Variants in HBEGF observed in about 807,000 individuals in gnomAD.
HBEGF encodes heparin binding EGF like growth factor, also known as proheparin-binding EGF-like growth factor.
HBEGF carries 8 observed loss-of-function variants against 19.5 expected under a neutral mutation model. The observed-to-expected ratio is 0.41, with a 90% confidence interval of 0.24 to 0.74. HBEGF has a LOEUF of 0.74. Among genes scored for constraint, HBEGF ranks in the 30% least tolerant of loss-of-function variants. The pLI is 0.32. For missense variants in HBEGF, 207 were observed against 256.9 expected, an observed-to-expected ratio of 0.81 and a Z score of 1.33; for synonymous variants, 97 against 108.9, an observed-to-expected ratio of 0.89 and a Z score of 0.68.
intron 3 of HBEGF, among the ~76,000 whole-genome samples, chr5:140,342,062 G>A (rs1766321123): frequency 6.6e-6 from 1 of 152,140 alleles, no homozygotes. Context: ...TACTCTCCAT[G>A]TCTCCCACCT....
chr5:140,339,858 C>A (rs1300568768), intron 3 of HBEGF, among the ~76,000 whole-genome samples: 1 of 152,178 alleles, frequency 6.6e-6, no homozygotes, highest in Non-Finnish European at 1.5e-5. Context: ...CAAACAAGAG[C>A]CACAAAGATC....
chr5:140,335,457 C>T (rs1384922210), intron 4 of HBEGF, among the ~76,000 whole-genome samples: 3 of 151,496 alleles, frequency 2.0e-5, no homozygotes, highest in South Asian at 2.1e-4. Context: ...CTAGAGCATA[C>T]CTGGATTAGA....
Position 140,346,332 on chromosome 5 carries a change from C to A in HBEGF, c.-4G>T, listed in dbSNP as rs1481642614. 2.5e-6 allele frequency: 4 copies of A among 1,608,080 alleles called. No individual in the cohort carries two copies. The highest frequency in any genetic ancestry group is 3.4e-6 in the Non-Finnish European group (4 of 1,177,658). ...CCACCGACGGCAGCAGCTTCATGGT[C>A]CCGCACCGAGAGGAGGCGGCGAGGC... On this transcript the variant is annotated 5_prime_UTR_variant, in exon 1 of 6. Coordinates refer to ENST00000230990, the MANE Select transcript of HBEGF (RefSeq NM_001945.3). The surrounding 1 kb of genome is among the most constrained non-coding windows in gnomAD (Gnocchi z 6.1).
In HBEGF at chr5:140,346,319, G is replaced by A. The variant is rs796065858; in HGVS notation, c.10C>T (p.Leu4=). 3.1e-6 allele frequency: 5 copies of A among 1,608,914 alleles called. No homozygotes were observed. Among genetic ancestry groups the A allele is most frequent in the South Asian group, 2.2e-5 (2 of 90,252 alleles). Residue 4 remains leucine (L), a synonymous_variant, in exon 1 of 6, where the codon CTG becomes TTG. Coordinates refer to ENST00000230990, the MANE Select transcript of HBEGF (RefSeq NM_001945.3). The surrounding 1 kb of genome is among the most constrained non-coding windows in gnomAD (Gnocchi z 6.1). MKL[L]PSVVLKLFLA... is the part of the protein sequence containing the mutation. Reference sequence around the variant, plus strand: ...AAGAGCTTCAGCACCACCGACGGCAGCAGCTTCATGGTCCCGCACCGAGAG... The same window carrying A: ...AAGAGCTTCAGCACCACCGACGGCAACAGCTTCATGGTCCCGCACCGAGAG...
rs1176043250 is a variant in HBEGF at position 140,342,620 on chromosome 5, G to T, written c.398+15C>A. 6.2e-7 allele frequency: 1 copy of T among 1,613,006 alleles called. No homozygotes were observed. The highest frequency in any genetic ancestry group is 1.3e-5 in the African/African-American group (1 of 74,860). The stretch of plus-strand genomic sequence containing the variant: ...GTGTGCTGATGAGATTCAGCCCTGG[G>T]GAAGGGGCACTTACATGCAGGAGGG... On this transcript the variant is annotated intron_variant, in intron 3 of 5. Transcript: ENST00000230990.
chr5:140,335,897 C>CCAGCAGACA lies in HBEGF; in HGVS notation c.520_528dup (p.Cys174_Leu176dup). ...CTAAACATGAGAAGCCCCACGATGACCAGCAGACAGACAGATGACAGCACC... is the reference window on the plus strand; with the variant it reads ...CTAAACATGAGAAGCCCCACGATGACCAGCAGACACAGCAGACAGACAGATGACAGCACC... On this transcript the variant is annotated inframe_insertion, in exon 4 of 6. Coordinates refer to ENST00000230990, the MANE Select transcript of HBEGF (RefSeq NM_001945.3). 1 of 1,614,098 alleles carries CCAGCAGACA rather than the reference C, an allele frequency of 6.2e-7. No individual in the cohort carries two copies. Among genetic ancestry groups the CCAGCAGACA allele is most frequent in the South Asian group, 1.1e-5 (1 of 91,074 alleles).
At chr5:140,338,332 C>T (rs1766258204) in intron 3 of HBEGF, among the ~76,000 whole-genome samples, 1 of 152,180 alleles carries the variant, frequency 6.6e-6, no homozygotes, top group Non-Finnish European at 1.5e-5. Flanking sequence ...AAGTTACTAG[C>T]CCCATTTTAA....
chr5:140,342,708 G>A lies in HBEGF; in HGVS notation c.325C>T (p.Leu109Phe), dbSNP rs988422901. 17 of 1,614,076 alleles carry A rather than the reference G, an allele frequency of 1.1e-5. No individual in the cohort carries two copies. The Admixed American group carries it at 1.3e-4, about 13-fold the overall frequency. Residue 109 changes from leucine (L) to phenylalanine (F), a missense_variant, in exon 3 of 6, where the codon CTT (leucine) becomes TTT (phenylalanine). This residue lies in a region of HBEGF where 127 missense variants were observed against 132.7 expected (regional missense o/e 0.96). Coordinates refer to ENST00000230990, the MANE Select transcript of HBEGF (RefSeq NM_001945.3). The part of the protein sequence containing the change: ...KGLGKKRDPC[L>F]RKYKDFCIHG... ...ATGCAGAAGTCCTTGTATTTCCGAA[G>A]ACATGGGTCCCTCTTCTTCCCTAGC... is the stretch of plus-strand genomic sequence containing the variant.
In HBEGF at chr5:140,346,176, G is replaced by A; in HGVS notation, c.47-92C>T. On this transcript the variant is annotated intron_variant, in intron 1 of 5. Transcript: ENST00000230990. This position sits in a 1 kb window ranked among gnomAD's most constrained non-coding sequence, Gnocchi z 6.1. ...GACGCCCGTCCGCCAGAGCGCAAGG[G>A]CCCCACCAAGTGGCCCGTGCCGGGT... The A allele has an allele frequency of 6.4e-7, 1 of 1,558,530 alleles. No homozygotes were observed. The highest frequency in any genetic ancestry group is 8.7e-7 in the Non-Finnish European group (1 of 1,152,650).
rs531085248 is a variant in HBEGF at position 140,343,111 on chromosome 5, T to C, written c.221-299A>G. The C allele has an allele frequency of 3.2e-4, 110 of 347,674 alleles. 1 individual carries two copies. Among genetic ancestry groups the C allele is most frequent in the South Asian group, 2.6e-3 (55 of 21,348 alleles). The allele number at this position is 347,674 out of a possible 1,614,324, so 21.5% of individuals were successfully genotyped here. ...CTTTTGTTGAGTAACTGGGCAATTC[T>C]ACCAACCTCACCTCCACCCCACTGT... On this transcript the variant is annotated intron_variant, in intron 2 of 5. Coordinates refer to ENST00000230990, the MANE Select transcript of HBEGF (RefSeq NM_001945.3).
chr5:140,337,335 G>A (rs1246892640), intron 3 of HBEGF, among the ~76,000 whole-genome samples: 1 of 152,226 alleles, frequency 6.6e-6, no homozygotes, highest in Non-Finnish European at 1.5e-5. Context: ...AGATGTAGAT[G>A]TAGATTGTCT....
At chr5:140,342,905 C>A in intron 2 of HBEGF, 93 bp from the exon 3 acceptor site, 1 of 1,304,892 alleles carries the variant, frequency 7.7e-7, no homozygotes, top group Non-Finnish European at 1.1e-6. Context: ...GCTTTGATTC[C>A]ACCTGAAGTC....
chr5:140,342,563 T>C lies in HBEGF; in HGVS notation c.398+72A>G, dbSNP rs1181780002. The C allele has an allele frequency of 1.6e-5, 22 of 1,388,284 alleles. No homozygotes were observed. In the East Asian group the frequency reaches 4.6e-4, roughly 29 times the overall value. 86.0% of individuals were successfully genotyped at this position (1,388,284 alleles called of 1,614,324 possible). A position where few individuals can be genotyped will look rare whatever the true frequency, so the allele number is the denominator to read the frequency against. On this transcript the variant is annotated intron_variant, in intron 3 of 5. Coordinates refer to ENST00000230990, the MANE Select transcript of HBEGF (RefSeq NM_001945.3). ...GTGAAATTATGAATTCAAGGAACAG[T>C]GACAACGAGGAACAGCCACGTGGCT...
intron 2 of HBEGF, among the ~76,000 whole-genome samples, chr5:140,344,417 C>T (rs1158209504): frequency 1.3e-5 from 2 of 151,672 alleles, no homozygotes; most frequent in Non-Finnish European, 2.9e-5. Context: ...ACCTCAGGTT[C>T]TCAGTAAAAT....
At chr5:140,336,828 C>CTTTT (rs1160533557) in intron 3 of HBEGF, among the ~76,000 whole-genome samples, 18 of 129,810 alleles carry the variant, frequency 1.4e-4, no homozygotes, top group South Asian at 4.8e-4. Context: ...TTTTCTTTTT[C>CTTTT]TTTTTTTTTT....
At chr5:140,335,088 G>C in intron 4 of HBEGF, 1 of 292,976 alleles carries the variant, frequency 3.4e-6, no homozygotes. Context: ...TACACTGCTT[G>C]AAAACAGGCA....
intron 3 of HBEGF, among the ~76,000 whole-genome samples, chr5:140,342,268 C>T (rs1766324698): frequency 6.6e-6 from 1 of 152,172 alleles, no homozygotes; most frequent in Non-Finnish European, 1.5e-5. Flanking sequence ...GAGCTCTACT[C>T]TGCCCTGGAA....
intron 5 of HBEGF, among the ~76,000 whole-genome samples, 179 bp from the exon 6 acceptor site, chr5:140,334,459 A>G (rs953905825): frequency 6.6e-6 from 1 of 152,174 alleles, no homozygotes; most frequent in Admixed American, 6.5e-5. Flanking sequence ...CCTCTCAGGC[A>G]TCTCTCTTAG....
Position 140,335,486 on chromosome 5 carries a change from A to G in HBEGF, c.554+386T>C, listed in dbSNP as rs182146925. The stretch of plus-strand genomic sequence containing the variant: ...GATTAGAAAGCAGGGCCTGAGGTCC[A>G]GACGCCTCAGAAGTGGAAGGATATA... On this transcript the variant is annotated intron_variant, in intron 4 of 5. Coordinates refer to ENST00000230990, the MANE Select transcript of HBEGF (RefSeq NM_001945.3). 3.3e-5 allele frequency among the ~76,000 whole-genome samples: 5 copies of G among 152,252 alleles called. No homozygotes were observed. The East Asian group carries it at 9.6e-4, about 29-fold the overall frequency.
Sources: gnomAD v4.1 joint callset for allele counts (sites outside exome capture counted in the v4.1 genomes callset) on GRCh38, gnomAD v4.1.1 for gene constraint, gnomAD v4.1.1 regional missense constraint, Gnocchi (gnomAD v3.1) non-coding constraint, MANE v1.5 for transcripts, NCBI Gene and HGNC (gene_info 2026-07-23, HGNC 2026-07-21) for gene names.